LARP1B: variants seen among roughly 807,000 people sequenced by gnomAD.
LARP1B encodes La ribonucleoprotein 1B.
In LARP1B, 76 loss-of-function variants were observed where a neutral mutation model predicts 114.2. The observed-to-expected ratio is 0.67, with a 90% CI of 0.55 to 0.81. LARP1B has a LOEUF of 0.81. Ranked by LOEUF, LARP1B falls within the 30% of genes least tolerant of loss-of-function variation. The pLI, the probability that LARP1B is intolerant of heterozygous loss-of-function variation, is 0.00. For missense variants in LARP1B, 1,014 were observed against 1,075.8 expected, an observed-to-expected ratio of 0.94 and a Z score of 0.80; for synonymous variants, 345 against 348.0, an observed-to-expected ratio of 0.99 and a Z score of 0.10.
At chr4:128,070,183 G>T (rs917405555) in intron 1 of LARP1B, among the ~76,000 whole-genome samples, 1 of 151,964 alleles carries the variant, frequency 6.6e-6, no homozygotes, top group African/African-American at 2.4e-5. Flanking sequence ...AGCTGGGCGT[G>T]GTGGCAGGCA....
In LARP1B at chr4:128,206,811, G is replaced by A. The variant is rs765918164; in HGVS notation, c.2419+274G>A. The A allele has an allele frequency of 5.0e-5, 49 of 985,308 alleles. No individual in the cohort carries two copies. In the Middle Eastern group the frequency reaches 2.6e-3, roughly 53 times the overall value. 61.0% of individuals were successfully genotyped at this position (985,308 alleles called of 1,614,324 possible). Reference sequence around the variant, plus strand: ...AAACGTGGCTACTCACTGATGTTCCGTTACATGAAAATTCTATGCAACATC... The same window carrying A: ...AAACGTGGCTACTCACTGATGTTCCATTACATGAAAATTCTATGCAACATC... On this transcript the variant is annotated intron_variant, in intron 18 of 19. Transcript: ENST00000326639.
chr4:128,066,165 C>CT (rs59927866), intron 1 of LARP1B, among the ~76,000 whole-genome samples: 2,521 of 99,184 alleles, frequency 0.025, 119 homozygotes, highest in African/African-American at 0.084. Context: ...TTTCTTTCTT[C>CT]TTTTTTTTTT....
downstream of LARP1B, among the ~76,000 whole-genome samples, chr4:128,213,100 T>C (rs767529080): frequency 3.9e-5 from 6 of 152,144 alleles, no homozygotes; most frequent in South Asian, 1.2e-3. Context: ...GTATTTTTAG[T>C]TGAGATGGGG....
chr4:128,115,000 C>T (rs777496292), intron 10 of LARP1B, among the ~76,000 whole-genome samples: 1 of 151,678 alleles, frequency 6.6e-6, no homozygotes, highest in African/African-American at 2.4e-5. Context: ...TGCAGTGGCG[C>T]GATCTTGGCT....
chr4:128,094,740 C>T (rs970581831), intron 7 of LARP1B, among the ~76,000 whole-genome samples: 1 of 151,842 alleles, frequency 6.6e-6, no homozygotes, highest in Non-Finnish European at 1.5e-5. Context: ...GTCTTAATGT[C>T]TGAAATTTTA....
Position 128,204,218 on chromosome 4 carries a change from A to G in LARP1B, c.2310-2210A>G, listed in dbSNP as rs187315437. ...CCAAAAACTTACTTCTCCAGAAATAAAGAGAGATACTGAGGCTTCACCTCA... is the reference window on the plus strand; with the variant it reads ...CCAAAAACTTACTTCTCCAGAAATAGAGAGAGATACTGAGGCTTCACCTCA... On this transcript the variant is annotated intron_variant, in intron 17 of 19. Transcript: ENST00000326639. 9.7e-4 allele frequency among the ~76,000 whole-genome samples: 143 copies of G among 147,230 alleles called. 1 individual carries two copies. Among genetic ancestry groups the G allele is most frequent in the Middle Eastern group, 6.8e-3 (2 of 294 alleles).
intron 12 of LARP1B, among the ~76,000 whole-genome samples, chr4:128,174,413 A>G (rs1169081907): frequency 6.6e-6 from 1 of 152,016 alleles, no homozygotes; most frequent in Non-Finnish European, 1.5e-5. Context: ...TGATAATTTT[A>G]TGTCAAAATA....
intron 1 of LARP1B, among the ~76,000 whole-genome samples, chr4:128,065,681 T>C (rs1561015427): frequency 6.6e-6 from 1 of 152,138 alleles, no homozygotes; most frequent in East Asian, 1.9e-4. Flanking sequence ...GCAAGATTTC[T>C]GGGCATTATA....
rs539585994 is a variant in LARP1B at position 128,193,783 on chromosome 4, A to AT, written c.2004-5650dup. Among the ~76,000 whole-genome samples the AT allele has an allele frequency of 1.3e-4, 19 of 151,494 alleles. No individual in the cohort carries two copies. The South Asian group carries it at 3.6e-3, about 28-fold the overall frequency. On this transcript the variant is annotated intron_variant, in intron 15 of 19. Transcript: ENST00000326639. ...AGGTGCAAGCCACCACGCCCAGCTA[A>AT]TTTTTTGTATTTTTGGTAGAGACAG...
chr4:128,089,495 C>G (rs924433606), intron 5 of LARP1B, among the ~76,000 whole-genome samples: 2 of 151,816 alleles, frequency 1.3e-5, no homozygotes, highest in Non-Finnish European at 2.9e-5. Flanking sequence ...ACCACTATGT[C>G]TGGCTAATTT....
chr4:128,109,148 TTAA>T (rs529621428), intron 9 of LARP1B, among the ~76,000 whole-genome samples: 63 of 152,300 alleles, frequency 4.1e-4, no homozygotes, highest in South Asian at 1.9e-3. Flanking sequence ...ATTTCTGACC[TTAA>T]TAATTTCCTA....
intron 7 of LARP1B, among the ~76,000 whole-genome samples, chr4:128,095,432 T>C (rs1777537834): frequency 7.3e-6 from 1 of 137,680 alleles, no homozygotes; most frequent in Non-Finnish European, 1.5e-5. Context: ...GAGGTCGCAG[T>C]GAGCCGAGAT....
chr4:128,109,098 G>A (rs1049327777), intron 9 of LARP1B, among the ~76,000 whole-genome samples: 3 of 152,102 alleles, frequency 2.0e-5, no homozygotes, highest in African/African-American at 7.2e-5. Flanking sequence ...TTAGGTCATA[G>A]GAATAAATAT....
intron 5 of LARP1B, among the ~76,000 whole-genome samples, chr4:128,084,980 C>A (rs907651004): frequency 6.6e-6 from 1 of 151,966 alleles, no homozygotes; most frequent in South Asian, 2.1e-4. Flanking sequence ...TCTTCTGTTT[C>A]AGCCTCCCAA....
chr4:128,181,801 C>CTTT (rs34136994), intron 15 of LARP1B, among the ~76,000 whole-genome samples: 9 of 77,168 alleles, frequency 1.2e-4, no homozygotes, highest in African/African-American at 4.3e-4. Context: ...TTATGATGTC[C>CTTT]TTTTTTTTTT....
chr4:128,099,735 C>T (rs1484587895), intron 8 of LARP1B, among the ~76,000 whole-genome samples: 1 of 150,700 alleles, frequency 6.6e-6, no homozygotes, highest in Non-Finnish European at 1.5e-5. Flanking sequence ...CACACACACA[C>T]ATATATATTT....
At position 128,073,588 on chromosome 4, in the gene LARP1B, T is replaced by G. The variant is rs796330212; in HGVS notation, c.-77-872T>G. 4.2e-3 allele frequency among the ~76,000 whole-genome samples: 167 copies of G among 39,870 alleles called. 1 individual carries two copies. Among genetic ancestry groups the G allele is most frequent in the Middle Eastern group, 0.013 (1 of 76 alleles). 26.2% of individuals were successfully genotyped at this position (39,870 alleles called of 152,430 possible). On this transcript the variant is annotated intron_variant, in intron 1 of 19. Coordinates refer to ENST00000326639, the MANE Select transcript of LARP1B (RefSeq NM_018078.4). The stretch of plus-strand genomic sequence containing the variant: ...ATTGTTGTCGTTTTTTTTTTTTTTT[T>G]TTTTTTTTTTTTTTTTTTTTTGGAC...
rs1758856436 is a variant in LARP1B, at chr4:128,210,850, G to A, written c.*797G>A. 1.0e-6 allele frequency: 1 copy of A among 984,420 alleles called. No individual in the cohort carries two copies. 61.0% of individuals were successfully genotyped at this position (984,420 alleles called of 1,614,324 possible). A position where few individuals can be genotyped will look rare whatever the true frequency, so the allele number is the denominator to read the frequency against. ...CACGAGTAATTTAAAACCTGCATTGGGATTGATTGGAATATTGTCCTAAAT... is the reference window on the plus strand; with the variant it reads ...CACGAGTAATTTAAAACCTGCATTGAGATTGATTGGAATATTGTCCTAAAT... On this transcript the variant is annotated 3_prime_UTR_variant, in exon 20 of 20. Coordinates refer to ENST00000326639, the MANE Select transcript of LARP1B (RefSeq NM_018078.4).
chr4:128,077,747 A>G, intron 3 of LARP1B, 41 bp from the exon 4 acceptor site: 1 of 1,465,664 alleles, frequency 6.8e-7, no homozygotes, highest in South Asian at 1.6e-5. Context: ...GTTAGTGAAA[A>G]TATTAATGGA....
Sources: allele counts gnomAD v4.1 joint callset (sites outside exome capture counted in the v4.1 genomes callset), GRCh38; gene constraint gnomAD v4.1.1; transcripts MANE v1.5; gene names NCBI Gene and HGNC (gene_info 2026-07-23, HGNC 2026-07-21).